DYNC1I1: variants seen among roughly 807,000 people sequenced by gnomAD.
The protein encoded by DYNC1I1 is cytoplasmic dynein 1 intermediate chain 1.
In DYNC1I1, 43 loss-of-function variants were observed where a neutral mutation model predicts 86.6. The ratio of observed to expected loss-of-function variants is 0.50; its 90% CI spans 0.39 to 0.64. The LOEUF (loss-of-function observed/expected upper bound fraction) is 0.64, where lower values mean the gene tolerates loss of function less well. Among genes scored for constraint, DYNC1I1 ranks in the 30% least tolerant of loss-of-function variants. DYNC1I1 has a pLI of 0.00. For missense variants in DYNC1I1, 604 were observed against 788.8 expected (o/e 0.77, Z 2.81); for synonymous variants, 262 against 283.7 (o/e 0.92, Z 0.77).
intron 5 of DYNC1I1, among the ~76,000 whole-genome samples, chr7:95,858,346 A>G (rs1789780160): frequency 6.6e-6 from 1 of 152,184 alleles, no homozygotes; most frequent in Non-Finnish European, 1.5e-5. Flanking sequence ...AGAGAAAATG[A>G]TGCATCAATG....
Position 96,021,795 on chromosome 7 carries a change from G to T in DYNC1I1, c.970-6380G>T, listed in dbSNP as rs75016061. Among the ~76,000 whole-genome samples, 1,268 of 152,210 alleles carry T rather than the reference G, an allele frequency of 8.3e-3. 14 individuals carry two copies. Among genetic ancestry groups the T allele is most frequent in the African/African-American group, 0.029 (1,186 of 41,530 alleles). On this transcript the variant is annotated intron_variant, in intron 10 of 16. Coordinates refer to ENST00000447467, the MANE Select transcript of DYNC1I1 (RefSeq NM_001135556.2). ...CCTTTTATGAGCTGTTTCAGTTAGC[G>T]TAATGATTTCAAGGTTCATCCATGC...
chr7:95,981,725 GA>G (rs533818704), intron 7 of DYNC1I1, among the ~76,000 whole-genome samples: 16 of 151,910 alleles, frequency 1.1e-4, no homozygotes, highest in East Asian at 3.9e-4. Flanking sequence ...TGAAAACAAA[GA>G]AAAAAAATCT....
At chr7:95,996,526 C>T (rs1341217731) in intron 10 of DYNC1I1, among the ~76,000 whole-genome samples, 3 of 152,176 alleles carry the variant, frequency 2.0e-5, no homozygotes, top group Non-Finnish European at 2.9e-5. Flanking sequence ...ACTTTTGTAG[C>T]TGGCATGGGG....
At chr7:95,873,489 G>T (rs944663166) in intron 6 of DYNC1I1, among the ~76,000 whole-genome samples, 1 of 152,170 alleles carries the variant, frequency 6.6e-6, no homozygotes, top group African/African-American at 2.4e-5. Context: ...GAGAATTAAG[G>T]TATTCACATA....
At chr7:95,959,321 C>G (rs1379183730) in intron 6 of DYNC1I1, among the ~76,000 whole-genome samples, 1 of 152,126 alleles carries the variant, frequency 6.6e-6, no homozygotes, top group Non-Finnish European at 1.5e-5. Context: ...CTTCTTCCAG[C>G]AACATTGGAA....
rs1273990745 is a variant in DYNC1I1 at position 95,984,926 on chromosome 7, A to G, written c.692A>G (p.Asp231Gly). Residue 231 changes from aspartate (D) to glycine (G), a missense_variant, in exon 8 of 17, where the codon GAT (aspartate) becomes GGT (glycine). Transcript: ENST00000447467. ...GTAATTGAAAGAGCCCTGGCTGAAG[A>G]TTCCGACATCTTTTTTGACTACAGC... Reference protein sequence around the residue: ...IRVIERALAEDSDIFFDYSGR... With the variant: ...IRVIERALAEGSDIFFDYSGR... 3 of 1,613,692 alleles carry G rather than the reference A, an allele frequency of 1.9e-6. No homozygotes were observed. Among genetic ancestry groups the G allele is most frequent in the Non-Finnish European group, 1.7e-6 (2 of 1,179,754 alleles).
At chr7:95,961,074 G>A (rs746321483) in intron 6 of DYNC1I1, among the ~76,000 whole-genome samples, 54 of 152,346 alleles carry the variant, frequency 3.5e-4, no homozygotes, top group Non-Finnish European at 7.5e-4. Context: ...AGGGGAATAA[G>A]TAAATGAGGT....
chr7:96,097,743 C>G lies in DYNC1I1; in HGVS notation c.*150C>G. 7.2e-7 allele frequency: 1 copy of G among 1,386,016 alleles called. No homozygotes were observed. Among genetic ancestry groups the G allele is most frequent in the Admixed American group, 2.8e-5 (1 of 35,332 alleles). 85.9% of individuals were successfully genotyped at this position (1,386,016 alleles called of 1,614,324 possible). On this transcript the variant is annotated 3_prime_UTR_variant, in exon 17 of 17. Coordinates refer to ENST00000447467, the MANE Select transcript of DYNC1I1 (RefSeq NM_001135556.2). ...TTGTGCCAGCTTTGCTCCAAGTATT[C>G]TAAATGTGTCCCATCATGCTTTCCA...
At chr7:96,101,549 A>G (rs1490800254), downstream of DYNC1I1, among the ~76,000 whole-genome samples, 1 of 152,202 alleles carries the variant, frequency 6.6e-6, no homozygotes, top group Non-Finnish European at 1.5e-5. Flanking sequence ...CAACATTTGA[A>G]GACTATTGGG....
chr7:95,856,171 T>G (rs1000169152), intron 5 of DYNC1I1, among the ~76,000 whole-genome samples: 3 of 152,206 alleles, frequency 2.0e-5, no homozygotes, highest in African/African-American at 7.2e-5. Context: ...CTTTTTAAAC[T>G]TTTTTGTTAA....
chr7:95,810,606 A>T (rs946713877), intron 3 of DYNC1I1, 100 bp downstream of exon 3: 29 of 1,010,746 alleles, frequency 2.9e-5, no homozygotes, highest in Non-Finnish European at 3.8e-5. Flanking sequence ...AGTTTTTTTT[A>T]ATTTTTATTT....
chr7:95,942,249 C>T (rs541089672), intron 6 of DYNC1I1, among the ~76,000 whole-genome samples: 14 of 152,096 alleles, frequency 9.2e-5, no homozygotes, highest in African/African-American at 2.7e-4. Flanking sequence ...AACACCTCTA[C>T]GCAAATAAAC....
Position 96,032,799 on chromosome 7 carries a change from A to G in DYNC1I1, c.1230+19A>G. On this transcript the variant is annotated intron_variant, in intron 12 of 16. Transcript: ENST00000447467. ...TCCACAGGTGGGTTTGTTTTTCCCT[A>G]CACATAACACCATCCTGGTTAAAAG... The G allele has an allele frequency of 6.3e-7, 1 of 1,577,626 alleles. No individual in the cohort carries two copies. Among genetic ancestry groups the G allele is most frequent in the Non-Finnish European group, 8.7e-7 (1 of 1,147,346 alleles).
At position 96,028,171 on chromosome 7, in the gene DYNC1I1, AC is replaced by A. The variant is rs767708769; in HGVS notation, c.970-3del. On this transcript the variant is annotated splice_polypyrimidine_tract_variant and splice_region_variant and intron_variant, in intron 10 of 16. Coordinates refer to ENST00000447467, the MANE Select transcript of DYNC1I1 (RefSeq NM_001135556.2). ...CTCTCTCTCTCTCTCCTTTTCCCTG[AC>A]AGTCCTCTGTGATGTCGGTCTGCTT... is the stretch of plus-strand genomic sequence containing the variant. The A allele has an allele frequency of 6.2e-7, 1 of 1,613,586 alleles. No homozygotes were observed. Among genetic ancestry groups the A allele is most frequent in the Non-Finnish European group, 8.5e-7 (1 of 1,179,676 alleles).
At chr7:95,910,155 T>G (rs1269817318) in intron 6 of DYNC1I1, among the ~76,000 whole-genome samples, 1 of 152,200 alleles carries the variant, frequency 6.6e-6, no homozygotes, top group African/African-American at 2.4e-5. Flanking sequence ...CTCAGAATTC[T>G]TCTTTCTCCT....
intron 7 of DYNC1I1, among the ~76,000 whole-genome samples, chr7:95,982,694 A>C (rs1793486245): frequency 6.6e-6 from 1 of 152,192 alleles, no homozygotes; most frequent in Admixed American, 6.5e-5. Context: ...TCATCTATTA[A>C]CAGTGACCAA....
intron 6 of DYNC1I1, among the ~76,000 whole-genome samples, chr7:95,899,596 G>T (rs1390612959): frequency 6.6e-6 from 1 of 152,200 alleles, no homozygotes. Context: ...GAAAAATGGA[G>T]ATGGAGAACA....
At chr7:96,008,687 C>T (rs991315612) in intron 10 of DYNC1I1, among the ~76,000 whole-genome samples, 1 of 152,130 alleles carries the variant, frequency 6.6e-6, no homozygotes, top group Admixed American at 6.5e-5. Flanking sequence ...TCTAAACATT[C>T]TTTGGAAAAG....
rs180903362 is a variant in DYNC1I1, at chr7:96,088,015, C to T, written c.1776+7527C>T. ...AGTGCTTAATTTAAAAAAGAAAAGGCGCAATTAATTCCAATTAATGTTGTA... is the reference window on the plus strand; with the variant it reads ...AGTGCTTAATTTAAAAAAGAAAAGGTGCAATTAATTCCAATTAATGTTGTA... On this transcript the variant is annotated intron_variant, in intron 16 of 16. Coordinates refer to ENST00000447467, the MANE Select transcript of DYNC1I1 (RefSeq NM_001135556.2). 2.6e-3 allele frequency among the ~76,000 whole-genome samples: 396 copies of T among 152,076 alleles called. 4 individuals are homozygous for T. In the Middle Eastern group the frequency reaches 0.027, roughly 11 times the overall value.
Sources: gnomAD v4.1 joint callset for allele counts (sites outside exome capture counted in the v4.1 genomes callset) on GRCh38, gnomAD v4.1.1 for gene constraint, MANE v1.5 for transcripts, NCBI Gene and HGNC (gene_info 2026-07-23, HGNC 2026-07-21) for gene names.